ST6GALNAC5: variants seen among roughly 807,000 people sequenced by gnomAD.
The protein encoded by ST6GALNAC5 is alpha-N-acetylgalactosaminide alpha-2,6-sialyltransferase 5.
A neutral mutation model predicts 33.6 loss-of-function variants in ST6GALNAC5; 27 were observed. The observed-to-expected ratio is 0.80, with a 90% CI of 0.59 to 1.11. The LOEUF (loss-of-function observed/expected upper bound fraction) is 1.11. ST6GALNAC5 is among the 50% of genes least tolerant of loss of function. ST6GALNAC5 has a pLI of 0.00. For missense variants in ST6GALNAC5, 428 were observed against 454.0 expected, an observed-to-expected ratio of 0.94 and a Z score of 0.52; for synonymous variants, 194 against 171.2, an observed-to-expected ratio of 1.13 and a Z score of -1.04.
chr1:76,902,043 G>A (rs534016810), intron 2 of ST6GALNAC5, among the ~76,000 whole-genome samples: 4 of 151,834 alleles, frequency 2.6e-5, no homozygotes, highest in African/African-American at 9.7e-5. Context: ...GATACATTGA[G>A]ATCATCTGAT....
At chr1:77,016,205 C>CCT (rs1314060578) in intron 2 of ST6GALNAC5, among the ~76,000 whole-genome samples, 1 of 93,420 alleles carries the variant, frequency 1.1e-5, no homozygotes, top group African/African-American at 4.5e-5. Flanking sequence ...TATCTCCTCC[C>CCT]CCTCCTCCTC....
At chr1:76,902,326 A>G (rs1646825154) in intron 2 of ST6GALNAC5, among the ~76,000 whole-genome samples, 1 of 152,194 alleles carries the variant, frequency 6.6e-6, no homozygotes, top group Non-Finnish European at 1.5e-5. Flanking sequence ...GTGTAAAACT[A>G]ATACTCTGAG....
rs532455975 is a variant in ST6GALNAC5 at position 77,066,985 on chromosome 1, A to C, written c.*3779A>C. ...GGTGGGAGGAATATATCTGGCTACCATACAAGGTACTTCAGAAGTACCATT... is the reference window on the plus strand; with the variant it reads ...GGTGGGAGGAATATATCTGGCTACCCTACAAGGTACTTCAGAAGTACCATT... On this transcript the variant is annotated 3_prime_UTR_variant, in exon 5 of 5. Coordinates refer to ENST00000477717, the MANE Select transcript of ST6GALNAC5 (RefSeq NM_030965.3). 2.6e-5 allele frequency among the ~76,000 whole-genome samples: 4 copies of C among 152,308 alleles called. No homozygotes were observed. The highest frequency in any genetic ancestry group is 7.2e-5 in the African/African-American group (3 of 41,568).
chr1:76,949,551 T>C (rs1647663371), intron 2 of ST6GALNAC5, among the ~76,000 whole-genome samples: 1 of 152,086 alleles, frequency 6.6e-6, no homozygotes, highest in South Asian at 2.1e-4. Context: ...TCCTCATGTG[T>C]AAAATCAAAT....
intron 2 of ST6GALNAC5, among the ~76,000 whole-genome samples, chr1:76,995,872 C>G (rs1484324713): frequency 2.6e-5 from 4 of 152,078 alleles, no homozygotes; most frequent in African/African-American, 9.7e-5. Flanking sequence ...TTTGGCTCAC[C>G]ATTTCATTCC....
intron 2 of ST6GALNAC5, among the ~76,000 whole-genome samples, chr1:76,894,154 T>C (rs988035503): frequency 6.6e-6 from 1 of 152,234 alleles, no homozygotes; most frequent in African/African-American, 2.4e-5. Context: ...CCAATTGCCT[T>C]TCTAAAATCT....
intron 2 of ST6GALNAC5, among the ~76,000 whole-genome samples, chr1:77,025,560 A>G (rs1023522138): frequency 2.6e-5 from 4 of 151,794 alleles, no homozygotes; most frequent in African/African-American, 4.8e-5. Flanking sequence ...AATTTTGATC[A>G]GAAAATGTCA....
intron 2 of ST6GALNAC5, among the ~76,000 whole-genome samples, chr1:76,928,819 A>C (rs1160209120): frequency 6.6e-6 from 1 of 152,082 alleles, no homozygotes; most frequent in African/African-American, 2.4e-5. Context: ...CCTACACTGC[A>C]AAGTTAAAGT....
Position 77,050,296 on chromosome 1 carries a change from C to A in ST6GALNAC5, c.710C>A (p.Thr237Lys). 1.2e-6 allele frequency: 2 copies of A among 1,614,084 alleles called. No homozygotes were observed. The highest frequency in any genetic ancestry group is 1.7e-6 in the Non-Finnish European group (2 of 1,179,944). ...ACTTGGCTCAGCACTGGCTGGTTTACAATGACAATTGCACTGGAGCTCTGT... is the reference window on the plus strand; with the variant it reads ...ACTTGGCTCAGCACTGGCTGGTTTAAAATGACAATTGCACTGGAGCTCTGT... ...SNTWLSTGWF[T>K]MTIALELCDR... Residue 237 changes from threonine to lysine, a missense_variant, in exon 4 of 5, where the codon ACA becomes AAA. By Grantham distance (78) the Thr-to-Lys change is moderately conservative. Transcript: ENST00000477717.
intron 2 of ST6GALNAC5, among the ~76,000 whole-genome samples, chr1:76,981,690 G>T (rs1437797650): frequency 6.6e-6 from 1 of 152,174 alleles, no homozygotes; most frequent in African/African-American, 2.4e-5. Context: ...TCCTCAAGTG[G>T]GTCCCTGACC....
intron 2 of ST6GALNAC5, among the ~76,000 whole-genome samples, chr1:77,015,348 T>G (rs768997196): frequency 3.9e-5 from 6 of 152,132 alleles, no homozygotes; most frequent in Non-Finnish European, 8.8e-5. Flanking sequence ...TCAATGGATC[T>G]GATAATGCCA....
intron 2 of ST6GALNAC5, among the ~76,000 whole-genome samples, chr1:77,017,750 G>A (rs1247641238): frequency 6.6e-6 from 1 of 152,172 alleles, no homozygotes; most frequent in Non-Finnish European, 1.5e-5. Context: ...AGTCTCAATA[G>A]TATGAGAAAG....
intron 2 of ST6GALNAC5, among the ~76,000 whole-genome samples, chr1:76,965,578 G>GT (rs1268608728): frequency 6.6e-6 from 1 of 152,164 alleles, no homozygotes; most frequent in African/African-American, 2.4e-5. Flanking sequence ...TCTGACAGTA[G>GT]TTTCTTTTGC....
At chr1:77,008,776 C>T (rs1262622537) in intron 2 of ST6GALNAC5, among the ~76,000 whole-genome samples, 3 of 152,092 alleles carry the variant, frequency 2.0e-5, no homozygotes, top group Non-Finnish European at 2.9e-5. Flanking sequence ...ATGATCCACC[C>T]GCCTCAGCCT....
rs191085692 is a variant in ST6GALNAC5, at chr1:77,059,842, A to G, written c.780-3133A>G. On this transcript the variant is annotated intron_variant, in intron 4 of 4. Transcript: ENST00000477717. The stretch of plus-strand genomic sequence containing the variant: ...CTTGAAATGCTGTTTCTTCTCCTCC[A>G]TTTATTTGTTTATTTATTCAGTTAT... 1.4e-3 allele frequency among the ~76,000 whole-genome samples: 208 copies of G among 151,926 alleles called. 1 individual carries two copies. Among genetic ancestry groups the G allele is most frequent in the Admixed American group, 2.1e-3 (32 of 15,264 alleles).
intron 2 of ST6GALNAC5, among the ~76,000 whole-genome samples, chr1:76,916,811 C>T (rs981418653): frequency 1.3e-5 from 2 of 152,032 alleles, no homozygotes; most frequent in Non-Finnish European, 2.9e-5. Context: ...TATGGCTTCA[C>T]GTTCCAAACA....
rs1295976223 is a variant in ST6GALNAC5, at chr1:76,917,924, G to C, written c.261+49182G>C. ...TTACTGGGACTTTTGGTGCTATTCAGGTCTTCAACTGATTGGATGGGGCCC... is the reference window on the plus strand; with the variant it reads ...TTACTGGGACTTTTGGTGCTATTCACGTCTTCAACTGATTGGATGGGGCCC... On this transcript the variant is annotated intron_variant, in intron 2 of 4. Coordinates refer to ENST00000477717, the MANE Select transcript of ST6GALNAC5 (RefSeq NM_030965.3). 2.0e-5 allele frequency among the ~76,000 whole-genome samples: 3 copies of C among 152,142 alleles called. No homozygotes were observed. In the East Asian group the frequency reaches 5.8e-4, roughly 29 times the overall value.
chr1:76,872,537 A>ACTGGTAACTAT (rs1553163577), intron 2 of ST6GALNAC5, among the ~76,000 whole-genome samples: 3 of 152,210 alleles, frequency 2.0e-5, no homozygotes, highest in Non-Finnish European at 4.4e-5. Flanking sequence ...ATTACTATTA[A>ACTGGTAACTAT]CTGGTAACTA....
At chr1:76,886,383 T>C (rs1388441280) in intron 2 of ST6GALNAC5, among the ~76,000 whole-genome samples, 3 of 152,180 alleles carry the variant, frequency 2.0e-5, no homozygotes, top group African/African-American at 4.8e-5. Flanking sequence ...TATATCTTGA[T>C]TTTGGTGTAA....
Sources: gnomAD v4.1 joint callset for allele counts (sites outside exome capture counted in the v4.1 genomes callset) on GRCh38, gnomAD v4.1.1 for gene constraint, MANE v1.5 for transcripts, NCBI Gene and HGNC (gene_info 2026-07-23, HGNC 2026-07-21) for gene names.